Variants in DIP2C observed in about 807,000 individuals in gnomAD.
DIP2C encodes the protein disco-interacting protein 2 homolog C.
In DIP2C, 33 loss-of-function variants were observed where a neutral mutation model predicts 192.4. The observed-to-expected ratio is 0.17, with a 90% CI of 0.13 to 0.23. DIP2C has a LOEUF of 0.23. Among genes scored for constraint, DIP2C ranks in the 10% least tolerant of loss-of-function variants. The pLI, the probability that DIP2C is intolerant of heterozygous loss-of-function variation, is 1.00. For missense variants in DIP2C, 1,537 were observed against 2,110.1 expected (o/e 0.73, Z 5.32); for synonymous variants, 979 against 864.1 (o/e 1.13, Z -2.33).
rs144707221 is a variant in DIP2C, at chr10:369,100, C to G, written c.2131+394G>C. Among the ~76,000 whole-genome samples, 421 of 152,370 alleles carry G rather than the reference C, an allele frequency of 2.8e-3. 1 individual carries two copies. The highest frequency in any genetic ancestry group is 0.017 in the Middle Eastern group (5 of 294). ...ACAAACTCACATTCCTTGATTTTCA[C>G]ATGTGTCTGCCTTGGCGGAAGCCGA... is the stretch of plus-strand genomic sequence containing the variant. On this transcript the variant is annotated intron_variant, in intron 18 of 36. Transcript: ENST00000280886.
chr10:335,577 T>C (rs532489452), intron 29 of DIP2C, among the ~76,000 whole-genome samples: 7 of 152,364 alleles, frequency 4.6e-5, no homozygotes, highest in African/African-American at 1.7e-4. Flanking sequence ...GGGAAGATTC[T>C]AGGCAGGTGC....
At chr10:398,986 C>G (rs530777723) in intron 10 of DIP2C, 123 bp downstream of exon 10, 10 of 772,724 alleles carry the variant, frequency 1.3e-5, no homozygotes, top group Non-Finnish European at 2.1e-5. Flanking sequence ...CATCCCTTAT[C>G]GAGGCAACCG....
At chr10:329,890 C>A (rs975721177) in intron 29 of DIP2C, among the ~76,000 whole-genome samples, 4 of 151,940 alleles carry the variant, frequency 2.6e-5, no homozygotes, top group African/African-American at 7.3e-5. Flanking sequence ...CTCAGACCTG[C>A]GACATCAGCA....
chr10:493,522 C>G (rs186881405), intron 1 of DIP2C, among the ~76,000 whole-genome samples: 1 of 152,044 alleles, frequency 6.6e-6, no homozygotes, highest in Non-Finnish European at 1.5e-5. Context: ...CATCGAGAAG[C>G]TGACGTGTAG....
At chr10:339,295 T>C (rs1178481814) in intron 29 of DIP2C, among the ~76,000 whole-genome samples, 1 of 152,216 alleles carries the variant, frequency 6.6e-6, no homozygotes, top group East Asian at 1.9e-4. Context: ...TTTTCTTTTT[T>C]AATGGGAAGA....
At chr10:282,951 T>G (rs1429939422) in intron 35 of DIP2C, among the ~76,000 whole-genome samples, 1 of 152,244 alleles carries the variant, frequency 6.6e-6, no homozygotes, top group Admixed American at 6.5e-5. Context: ...CTGAGGAGAC[T>G]CTGTGGTCTG....
chr10:351,299 G>C (rs1958797353), intron 24 of DIP2C, among the ~76,000 whole-genome samples: 1 of 152,254 alleles, frequency 6.6e-6, no homozygotes, highest in African/African-American at 2.4e-5. Flanking sequence ...GTGAGTGGAA[G>C]ATAATGTCTC....
intron 8 of DIP2C, among the ~76,000 whole-genome samples, chr10:412,190 G>A (rs1965229907): frequency 2.6e-5 from 4 of 152,192 alleles, no homozygotes; most frequent in Admixed American, 6.5e-5. Flanking sequence ...CAGAAGCCCC[G>A]TGAGAACTGT....
intron 17 of DIP2C, 178 bp from the exon 18 acceptor site, chr10:369,811 G>C: frequency 7.6e-7 from 1 of 1,308,006 alleles, no homozygotes; most frequent in Non-Finnish European, 1.0e-6. Context: ...TTTATGAACA[G>C]CTGGCAGCGA....
At position 626,970 on chromosome 10, in the gene DIP2C, G is replaced by A. The variant is rs75914092; in HGVS notation, c.85+62524C>T. Among the ~76,000 whole-genome samples, 104 of 152,312 alleles carry A rather than the reference G, an allele frequency of 6.8e-4. 1 individual carries two copies. Among genetic ancestry groups the A allele is most frequent in the African/African-American group, 2.4e-3 (99 of 41,560 alleles). On this transcript the variant is annotated intron_variant, in intron 1 of 36. Coordinates refer to ENST00000280886, the MANE Select transcript of DIP2C (RefSeq NM_014974.3). Reference sequence around the variant, plus strand: ...CACGCTCCTAGGAATTACTCCTAACGCAGTATCAGTGCCTTGTGCCTTTTA... The same window carrying A: ...CACGCTCCTAGGAATTACTCCTAACACAGTATCAGTGCCTTGTGCCTTTTA...
At chr10:378,785 A>T (rs1354448744) in intron 17 of DIP2C, among the ~76,000 whole-genome samples, 1 of 145,718 alleles carries the variant, frequency 6.9e-6, no homozygotes, top group African/African-American at 2.6e-5. Flanking sequence ...ACATGCCTAG[A>T]CACCCATGGA....
At chr10:474,126 G>A (rs1475988728) in intron 2 of DIP2C, among the ~76,000 whole-genome samples, 5 of 152,104 alleles carry the variant, frequency 3.3e-5, no homozygotes, top group African/African-American at 7.2e-5. Flanking sequence ...TCAAACAGAT[G>A]CATTTTAGGA....
In DIP2C at chr10:363,236, C is replaced by T. The variant is rs145004490; in HGVS notation, c.2553G>A (p.Thr851=). ...VIVAEQRPDS[T]EEDSFQWMSR... ...TCATCCACTGGAAACTGTCCTCTTC[C>T]GTGGAGTCAGGCCTCTGCTCAGCCA... The change falls in exon 21 of 37, where the codon ACG becomes ACA. Residue 851 remains threonine, a synonymous_variant. Coordinates refer to ENST00000280886, the MANE Select transcript of DIP2C (RefSeq NM_014974.3). This position sits in a 1 kb window ranked among gnomAD's most constrained non-coding sequence, Gnocchi z 5.4. The T allele has an allele frequency of 5.4e-5, 87 of 1,613,542 alleles. No homozygotes were observed. The highest frequency in any genetic ancestry group is 6.6e-5 in the Non-Finnish European group (78 of 1,180,012).
intron 3 of DIP2C, among the ~76,000 whole-genome samples, chr10:458,790 C>CA (rs1230009074): frequency 6.6e-6 from 1 of 152,170 alleles, no homozygotes. Flanking sequence ...CCCGTGACGG[C>CA]AAGGAGGATG....
At chr10:526,588 C>T (rs918897658) in intron 1 of DIP2C, among the ~76,000 whole-genome samples, 1 of 151,452 alleles carries the variant, frequency 6.6e-6, no homozygotes, top group African/African-American at 2.4e-5. Context: ...GTTAGTTTTA[C>T]ATTACTAGAG....
At chr10:335,677 G>A (rs912522264) in intron 29 of DIP2C, among the ~76,000 whole-genome samples, 2 of 152,206 alleles carry the variant, frequency 1.3e-5, no homozygotes, top group African/African-American at 4.8e-5. Context: ...TCGCGGATGC[G>A]GCTCTCTTCA....
intron 1 of DIP2C, among the ~76,000 whole-genome samples, chr10:635,598 G>C (rs1854781984): frequency 6.6e-6 from 1 of 152,260 alleles, no homozygotes; most frequent in African/African-American, 2.4e-5. Context: ...TGCAGCTGCG[G>C]GGAAGCAGCT....
intron 19 of DIP2C, 145 bp from the exon 20 acceptor site, chr10:364,727 G>A (rs1564618733): frequency 4.6e-6 from 4 of 871,514 alleles, no homozygotes; most frequent in Non-Finnish European, 5.3e-6. Flanking sequence ...AGGTCACAGT[G>A]ACCGCTGGTG....
chr10:409,145 T>TG, intron 8 of DIP2C, 128 bp from the exon 9 acceptor site: 1 of 805,634 alleles, frequency 1.2e-6, no homozygotes, highest in Non-Finnish European at 1.9e-6. Context: ...CGACTTGAAG[T>TG]GGGGGCAGCT....
Sources: gnomAD v4.1 joint callset for allele counts (sites outside exome capture counted in the v4.1 genomes callset) on GRCh38, gnomAD v4.1.1 for gene constraint, Gnocchi (gnomAD v3.1) non-coding constraint, MANE v1.5 for transcripts, NCBI Gene and HGNC (gene_info 2026-07-23, HGNC 2026-07-21) for gene names.